Variants in KCNIP1 observed in about 807,000 individuals in gnomAD.
The protein encoded by KCNIP1 is potassium voltage-gated channel interacting protein 1.
Under a neutral mutation model 33.0 loss-of-function variants are expected in KCNIP1, and 18 were observed. The ratio of observed to expected loss-of-function variants is 0.55; its 90% CI spans 0.38 to 0.81. The LOEUF (loss-of-function observed/expected upper bound fraction) is 0.81, where lower values mean the gene tolerates loss of function less well. Among genes scored for constraint, KCNIP1 ranks in the 30% least tolerant of loss-of-function variants. KCNIP1 has a pLI of 0.00. For synonymous variants in KCNIP1, 93 were observed against 98.3 expected (o/e 0.95, Z 0.32); for missense variants, 238 against 271.6 (o/e 0.88, Z 0.87).
At chr5:170,357,818 C>T (rs1484417174) in intron 1 of KCNIP1, among the ~76,000 whole-genome samples, 1 of 152,334 alleles carries the variant, frequency 6.6e-6, no homozygotes, top group Admixed American at 6.5e-5. Flanking sequence ...TGAGCCACCA[C>T]GTCCAGCCAC....
upstream of KCNIP1, among the ~76,000 whole-genome samples, chr5:170,500,949 G>T (rs1054415062): frequency 1.3e-5 from 2 of 152,140 alleles, no homozygotes; most frequent in Non-Finnish European, 2.9e-5. Context: ...ATCAGTTTCT[G>T]CTTACTAACT....
At chr5:170,648,676 C>T (rs1205322333) in intron 1 of KCNIP1, among the ~76,000 whole-genome samples, 2 of 152,150 alleles carry the variant, frequency 1.3e-5, no homozygotes, top group Non-Finnish European at 2.9e-5. Context: ...TATGCTACTA[C>T]AATGGTAGAC....
intron 1 of KCNIP1, among the ~76,000 whole-genome samples, chr5:170,361,490 T>A (rs1372258879): frequency 6.6e-6 from 1 of 152,146 alleles, no homozygotes; most frequent in Non-Finnish European, 1.5e-5. Context: ...CCACTGAGAT[T>A]CCATTTTGTG....
At chr5:170,362,495 C>G (rs184033370) in intron 1 of KCNIP1, among the ~76,000 whole-genome samples, 2 of 152,200 alleles carry the variant, frequency 1.3e-5, no homozygotes, top group Non-Finnish European at 2.9e-5. Flanking sequence ...TCAAGCTCCC[C>G]GATCCATCCC....
chr5:170,465,648 C>A (rs571220197), intron 1 of KCNIP1, among the ~76,000 whole-genome samples: 2 of 152,156 alleles, frequency 1.3e-5, no homozygotes, highest in African/African-American at 4.8e-5. Flanking sequence ...AAGAGAGAGA[C>A]AGAAAGAGAG....
Position 170,717,105 on chromosome 5 carries a change from G to A in KCNIP1, c.62-1653G>A, listed in dbSNP as rs186850453. The stretch of plus-strand genomic sequence containing the variant: ...AATATATGCACAGATAAACAGATGT[G>A]CATTTTAAAAATAAAAATGCTTTTA... On this transcript the variant is annotated intron_variant, in intron 1 of 7. Coordinates refer to ENST00000328939, the MANE Select transcript of KCNIP1 (RefSeq NM_014592.4). 4.6e-5 allele frequency among the ~76,000 whole-genome samples: 7 copies of A among 152,228 alleles called. No homozygotes were observed. In the East Asian group the frequency reaches 1.3e-3, roughly 29 times the overall value.
At chr5:170,437,422 C>T (rs762443786) in intron 1 of KCNIP1, among the ~76,000 whole-genome samples, 24 of 152,184 alleles carry the variant, frequency 1.6e-4, no homozygotes, top group African/African-American at 3.4e-4. Context: ...AGTCACTCAA[C>T]GGCCATGAAT....
intron 1 of KCNIP1, among the ~76,000 whole-genome samples, chr5:170,689,916 CT>C (rs1561766863): frequency 6.6e-6 from 1 of 152,186 alleles, no homozygotes; most frequent in Admixed American, 6.6e-5. Context: ...TCAGGCCCCC[CT>C]CTTATTAAAC....
At chr5:170,537,954 C>A (rs548178986) in intron 1 of KCNIP1, among the ~76,000 whole-genome samples, 1 of 152,232 alleles carries the variant, frequency 6.6e-6, no homozygotes, top group Non-Finnish European at 1.5e-5. Context: ...TGGCCACAGA[C>A]CTGGCACAAT....
At chr5:170,583,757 C>T (rs1757883790) in intron 1 of KCNIP1, among the ~76,000 whole-genome samples, 1 of 152,214 alleles carries the variant, frequency 6.6e-6, no homozygotes, top group South Asian at 2.1e-4. Flanking sequence ...CGGTGAGAAA[C>T]TCCAGAAATA....
At chr5:170,459,596 G>T (rs1561635924) in intron 1 of KCNIP1, among the ~76,000 whole-genome samples, 1 of 152,116 alleles carries the variant, frequency 6.6e-6, no homozygotes, top group Non-Finnish European at 1.5e-5. Flanking sequence ...ATATCACTGG[G>T]TCAAAAATGA....
intron 1 of KCNIP1, among the ~76,000 whole-genome samples, chr5:170,497,867 T>A (rs1757339747): frequency 6.6e-6 from 1 of 152,212 alleles, no homozygotes; most frequent in Admixed American, 6.5e-5. Flanking sequence ...CTGTCTGAAC[T>A]CATCTCAGCT....
intron 1 of KCNIP1, among the ~76,000 whole-genome samples, chr5:170,440,521 T>G (rs1436672927): frequency 6.6e-6 from 1 of 152,184 alleles, no homozygotes; most frequent in Non-Finnish European, 1.5e-5. Flanking sequence ...GGCCCTTGCC[T>G]GACCCCCTCC....
chr5:170,723,513 G>A (rs1031787491), intron 5 of KCNIP1, among the ~76,000 whole-genome samples: 3 of 152,196 alleles, frequency 2.0e-5, no homozygotes, highest in South Asian at 2.1e-4. Context: ...TGCCAGGCAC[G>A]GTGCCTGGAG....
chr5:170,550,126 G>T (rs2113409339), intron 1 of KCNIP1, among the ~76,000 whole-genome samples: 1 of 152,290 alleles, frequency 6.6e-6, no homozygotes, highest in Admixed American at 6.5e-5. Flanking sequence ...CCGTGGAACA[G>T]GCCCCAGAGC....
intron 1 of KCNIP1, among the ~76,000 whole-genome samples, chr5:170,528,079 A>G (rs1191456806): frequency 6.6e-6 from 1 of 152,162 alleles, no homozygotes; most frequent in Non-Finnish European, 1.5e-5. Flanking sequence ...CAGGAGCCTC[A>G]AGGATTGACT....
At chr5:170,711,284 A>G (rs1417109023) in intron 1 of KCNIP1, among the ~76,000 whole-genome samples, 1 of 152,192 alleles carries the variant, frequency 6.6e-6, no homozygotes, top group Non-Finnish European at 1.5e-5. Flanking sequence ...TTGAGTTTCT[A>G]ATCCATGGTC....
At chr5:170,512,438 A>G (rs558150411) in intron 1 of KCNIP1, among the ~76,000 whole-genome samples, 1 of 152,238 alleles carries the variant, frequency 6.6e-6, no homozygotes, top group Non-Finnish European at 1.5e-5. Flanking sequence ...TGCGTATGTT[A>G]TACGGTTGTT....
At chr5:170,678,435 G>A (rs1762220709) in intron 1 of KCNIP1, 2 of 152,218 alleles carry the variant, frequency 1.3e-5, no homozygotes, top group Non-Finnish European at 2.9e-5. Context: ...TAAAGTTCAA[G>A]GTTAGGAGAC....
Sources: gnomAD v4.1 joint callset for allele counts (sites outside exome capture counted in the v4.1 genomes callset) on GRCh38, gnomAD v4.1.1 for gene constraint, MANE v1.5 for transcripts, NCBI Gene and HGNC (gene_info 2026-07-23, HGNC 2026-07-21) for gene names.